The following GPHN variants were observed in gnomAD, a reference collection of about 807,000 sequenced individuals.
GPHN encodes the protein gephyrin.
A neutral mutation model predicts 95.5 loss-of-function variants in GPHN; 17 were observed. The ratio of observed to expected loss-of-function variants is 0.18; its 90% CI spans 0.12 to 0.27. The LOEUF (loss-of-function observed/expected upper bound fraction) is 0.27, where lower values mean the gene tolerates loss of function less well. Among genes scored for constraint, GPHN ranks in the 10% least tolerant of loss-of-function variants. The pLI, the probability that GPHN is intolerant of heterozygous loss-of-function variation, is 1.00. For missense variants in GPHN, 660 were observed against 978.1 expected (o/e 0.67, Z 4.34); for synonymous variants, 320 against 322.5 (o/e 0.99, Z 0.08).
At chr14:67,311,310 C>CAAA in the GPHN span, among the ~76,000 whole-genome samples, 6 of 63,856 alleles carry the variant, frequency 9.4e-5, no homozygotes, top group Admixed American at 1.6e-4. Flanking sequence ...GACTCCGTCT[C>CAAA]AAAAAAAAAA....
the GPHN span, among the ~76,000 whole-genome samples, chr14:67,403,993 C>A: frequency 6.6e-6 from 1 of 152,154 alleles, no homozygotes; most frequent in Non-Finnish European, 1.5e-5. Flanking sequence ...GTCAAGGCTG[C>A]AACAAGCTGT....
intron 2 of GPHN, among the ~76,000 whole-genome samples, chr14:66,725,788 T>C (rs998864463): frequency 6.6e-6 from 1 of 152,224 alleles, no homozygotes; most frequent in Non-Finnish European, 1.5e-5. Flanking sequence ...CCACTAATGC[T>C]TCAGCTTTTT....
At chr14:66,924,650 G>A (rs758681640) in intron 8 of GPHN, among the ~76,000 whole-genome samples, 1 of 152,106 alleles carries the variant, frequency 6.6e-6, no homozygotes, top group Non-Finnish European at 1.5e-5. Flanking sequence ...ATCACTTTGA[G>A]TCTTAAAATC....
chr14:67,223,878 G>A, the GPHN span: 1 of 985,618 alleles, frequency 1.0e-6, no homozygotes, highest in Non-Finnish European at 1.2e-6. Context: ...CCCAAGAAAA[G>A]CAAAGACTGG....
chr14:67,217,165 A>G, the GPHN span, among the ~76,000 whole-genome samples: 1 of 142,648 alleles, frequency 7.0e-6, no homozygotes, highest in African/African-American at 2.8e-5. Flanking sequence ...GACTTTCTTC[A>G]TCTTTTTTTT....
chr14:67,047,366 G>T (rs199640754), intron 10 of GPHN, among the ~76,000 whole-genome samples: 2,242 of 108,482 alleles, frequency 0.021, 32 homozygotes, highest in African/African-American at 0.028. Flanking sequence ...GTGTGTGTTT[G>T]TTTTTTTTTT....
chr14:66,869,366 T>C (rs2063343904), intron 4 of GPHN, among the ~76,000 whole-genome samples: 1 of 152,220 alleles, frequency 6.6e-6, no homozygotes, highest in African/African-American at 2.4e-5. Flanking sequence ...AACAGGTATC[T>C]TTCTCTTGTT....
chr14:66,972,678 AATATT>A (rs2069894572), intron 9 of GPHN, among the ~76,000 whole-genome samples: 1 of 151,912 alleles, frequency 6.6e-6, no homozygotes, highest in Non-Finnish European at 1.5e-5. Flanking sequence ...TAATTTAACT[AATATT>A]AAATAGTAAA....
chr14:66,704,817 G>A (rs919752854), intron 2 of GPHN, among the ~76,000 whole-genome samples: 3 of 152,086 alleles, frequency 2.0e-5, no homozygotes, highest in Non-Finnish European at 2.9e-5. Flanking sequence ...TAAGATCAGA[G>A]CAGAATTGAA....
chr14:67,306,267 G>T, the GPHN span, among the ~76,000 whole-genome samples: 1 of 151,890 alleles, frequency 6.6e-6, no homozygotes, highest in Non-Finnish European at 1.5e-5. Flanking sequence ...ACCGAACCCG[G>T]CCTATTTTCA....
chr14:67,071,083 C>T (rs2076285892), intron 11 of GPHN, among the ~76,000 whole-genome samples: 1 of 152,092 alleles, frequency 6.6e-6, no homozygotes, highest in Non-Finnish European at 1.5e-5. Context: ...GGCAATTCCT[C>T]AAGGATCTAG....
At chr14:67,705,523 A>G in the GPHN span, among the ~76,000 whole-genome samples, 3 of 152,248 alleles carry the variant, frequency 2.0e-5, no homozygotes, top group African/African-American at 7.2e-5. Flanking sequence ...CCTGTAGGTT[A>G]TCACAACTAA....
At chr14:67,735,054 A>C in the GPHN span, 2 of 681,556 alleles carry the variant, frequency 2.9e-6, no homozygotes, top group Non-Finnish European at 5.4e-6. Flanking sequence ...AGATGCACTT[A>C]CAACCAACAG....
At chr14:66,941,270 A>G (rs113865203) in intron 8 of GPHN, among the ~76,000 whole-genome samples, 78 of 151,528 alleles carry the variant, frequency 5.1e-4, no homozygotes, top group African/African-American at 1.6e-3. Context: ...AAAAAAAATC[A>G]TGATAGGACT....
intron 1 of GPHN, among the ~76,000 whole-genome samples, chr14:66,621,358 AC>A (rs1392881657): frequency 1.4e-5 from 2 of 143,986 alleles, no homozygotes; most frequent in East Asian, 2.1e-4. Context: ...CTCGTGATCC[AC>A]CTGCCTCGGC....
At chr14:67,729,287 C>A in the GPHN span, 27 of 1,604,592 alleles carry the variant, frequency 1.7e-5, no homozygotes, top group Non-Finnish European at 2.2e-5. Context: ...CGGCTCTTCT[C>A]CCCCTTTGTC....
intron 9 of GPHN, among the ~76,000 whole-genome samples, chr14:66,975,658 T>C (rs1479547870): frequency 6.6e-6 from 1 of 151,336 alleles, no homozygotes; most frequent in Non-Finnish European, 1.5e-5. Context: ...GGAGGGAGGA[T>C]CACTGAAGCC....
intron 1 of GPHN, among the ~76,000 whole-genome samples, chr14:66,580,471 TGAA>T (rs2140455862): frequency 7.8e-6 from 1 of 128,150 alleles, no homozygotes; most frequent in Non-Finnish European, 1.5e-5. Context: ...GAAAAAATAG[TGAA>T]GAGTTAAAGA....
At chr14:66,690,988 AC>A (rs1430678425) in intron 2 of GPHN, among the ~76,000 whole-genome samples, 2 of 152,162 alleles carry the variant, frequency 1.3e-5, no homozygotes, top group African/African-American at 2.4e-5. Flanking sequence ...TGACTCACTT[AC>A]GTATTTCAGT....
Sources: allele counts gnomAD v4.1 joint callset (sites outside exome capture counted in the v4.1 genomes callset), GRCh38; gene constraint gnomAD v4.1.1; transcripts MANE v1.5; gene names NCBI Gene and HGNC (gene_info 2026-07-23, HGNC 2026-07-21).